FSTL4: variants seen among roughly 807,000 people sequenced by gnomAD.
FSTL4 encodes the protein follistatin-related protein 4.
A neutral mutation model predicts 78.2 loss-of-function variants in FSTL4; 28 were observed. The observed-to-expected ratio is 0.36, with a 90% CI of 0.27 to 0.49. FSTL4 has a LOEUF of 0.49. Ranked by LOEUF, FSTL4 falls within the 20% of genes least tolerant of loss-of-function variation. The pLI is 0.98. For missense variants in FSTL4, 922 were observed against 1,084.9 expected (o/e 0.85, Z 2.11); for synonymous variants, 422 against 440.5 (o/e 0.96, Z 0.53).
intron 3 of FSTL4, among the ~76,000 whole-genome samples, chr5:133,531,212 T>A (rs1341289448): frequency 6.6e-6 from 1 of 152,166 alleles, no homozygotes; most frequent in Non-Finnish European, 1.5e-5. Context: ...AACCTTCTTG[T>A]CAACATGTTC....
chr5:133,277,312 CA>C (rs11403305), intron 6 of FSTL4, among the ~76,000 whole-genome samples: 35 of 143,106 alleles, frequency 2.4e-4, no homozygotes, highest in Admixed American at 4.1e-4. Context: ...GACTCGGTCT[CA>C]AAAAAAAAAA....
chr5:133,590,938 C>A (rs1390563465), intron 2 of FSTL4, among the ~76,000 whole-genome samples: 2 of 152,166 alleles, frequency 1.3e-5, no homozygotes, highest in African/African-American at 4.8e-5. Context: ...CTTCTGTAAT[C>A]GGCATTCCTG....
intron 3 of FSTL4, among the ~76,000 whole-genome samples, chr5:133,520,036 G>A (rs1394020453): frequency 6.6e-6 from 1 of 152,180 alleles, no homozygotes; most frequent in Non-Finnish European, 1.5e-5. Context: ...ACCTGCAGGT[G>A]GCAATTGCAG....
intron 6 of FSTL4, among the ~76,000 whole-genome samples, chr5:133,303,516 G>A (rs1164943739): frequency 6.6e-6 from 1 of 152,194 alleles, no homozygotes; most frequent in Non-Finnish European, 1.5e-5. Flanking sequence ...AGGCTTCTGA[G>A]TGCCCTGGCC....
At chr5:133,525,267 T>C (rs947405991) in intron 3 of FSTL4, among the ~76,000 whole-genome samples, 2 of 152,220 alleles carry the variant, frequency 1.3e-5, no homozygotes, top group Non-Finnish European at 2.9e-5. Context: ...AGCGTGATGC[T>C]TGATGAGGGC....
intron 6 of FSTL4, among the ~76,000 whole-genome samples, chr5:133,268,963 C>A (rs1421514005): frequency 6.6e-6 from 1 of 151,980 alleles, no homozygotes; most frequent in African/African-American, 2.4e-5. Context: ...GGGTAGATCA[C>A]CAGGTCAGGA....
At chr5:133,798,193 A>G in the FSTL4 span, among the ~76,000 whole-genome samples, 1 of 152,180 alleles carries the variant, frequency 6.6e-6, no homozygotes, top group Non-Finnish European at 1.5e-5. Flanking sequence ...TCTCCTTCTG[A>G]GGTTTCTTCC....
the FSTL4 span, among the ~76,000 whole-genome samples, chr5:133,821,681 G>A: frequency 7.2e-5 from 11 of 152,106 alleles, no homozygotes; most frequent in South Asian, 4.1e-4. Context: ...TGGAGGAGGC[G>A]CAGGACTGGA....
At chr5:133,526,329 G>A (rs1224775265) in intron 3 of FSTL4, among the ~76,000 whole-genome samples, 2 of 152,100 alleles carry the variant, frequency 1.3e-5, no homozygotes, top group African/African-American at 4.8e-5. Flanking sequence ...TGAGTGTTGA[G>A]GGAAAGAAGG....
intron 3 of FSTL4, among the ~76,000 whole-genome samples, chr5:133,511,325 G>A (rs116740482): frequency 6.6e-6 from 1 of 152,170 alleles, no homozygotes; most frequent in African/African-American, 2.4e-5. Flanking sequence ...TAAGGACAAA[G>A]AACCAGGCTT....
At chr5:133,628,356 CTTTTCTTTTCT>C in the FSTL4 span, among the ~76,000 whole-genome samples, 1 of 134,694 alleles carries the variant, frequency 7.4e-6, no homozygotes, top group African/African-American at 3.5e-5. Context: ...CTTTTCTTTT[CTTTTCTTTTCT>C]TTTTTTTTTG....
chr5:133,282,629 C>T (rs541934514), intron 6 of FSTL4, among the ~76,000 whole-genome samples: 1 of 152,256 alleles, frequency 6.6e-6, no homozygotes, highest in African/African-American at 2.4e-5. Flanking sequence ...GACAGCCATC[C>T]CCTCTTCGTG....
At chr5:133,734,206 TAGCA>T in the FSTL4 span, among the ~76,000 whole-genome samples, 3 of 151,920 alleles carry the variant, frequency 2.0e-5, no homozygotes, top group Non-Finnish European at 4.4e-5. Flanking sequence ...AAAACCACCA[TAGCA>T]AGCAAATGTA....
At chr5:133,500,783 A>C (rs924039080) in intron 3 of FSTL4, among the ~76,000 whole-genome samples, 2 of 152,188 alleles carry the variant, frequency 1.3e-5, no homozygotes, top group Admixed American at 6.5e-5. Flanking sequence ...TTCTACCTCT[A>C]ACCTTTCTGG....
At chr5:133,432,745 G>A (rs1756965554) in intron 3 of FSTL4, among the ~76,000 whole-genome samples, 2 of 152,186 alleles carry the variant, frequency 1.3e-5, no homozygotes, top group African/African-American at 4.8e-5. Flanking sequence ...GATGCTGGGT[G>A]GGTGGGTGGC....
chr5:133,434,372 TAAAATTGGA>T (rs1756999829), intron 3 of FSTL4, among the ~76,000 whole-genome samples: 1 of 152,244 alleles, frequency 6.6e-6, no homozygotes, highest in East Asian at 1.9e-4. Flanking sequence ...ATGTACTTTA[TAAAATTGGA>T]ATCTGGAAGT....
intron 4 of FSTL4, among the ~76,000 whole-genome samples, chr5:133,357,036 G>A (rs1211716680): frequency 2.6e-5 from 4 of 152,224 alleles, no homozygotes; most frequent in Non-Finnish European, 5.9e-5. Flanking sequence ...AGTCTGAGAA[G>A]TCCATTGGGC....
At chr5:133,371,383 G>A (rs1015804652) in intron 4 of FSTL4, among the ~76,000 whole-genome samples, 2 of 152,156 alleles carry the variant, frequency 1.3e-5, no homozygotes, top group African/African-American at 4.8e-5. Context: ...TGTAGGTCTC[G>A]TGAAATTTAA....
chr5:133,562,345 G>A (rs1759932053), intron 3 of FSTL4, among the ~76,000 whole-genome samples: 1 of 152,166 alleles, frequency 6.6e-6, no homozygotes, highest in African/African-American at 2.4e-5. Context: ...TAAACAGAAT[G>A]CAGTTCTTGA....
Sources: gnomAD v4.1 joint callset for allele counts (sites outside exome capture counted in the v4.1 genomes callset) on GRCh38, gnomAD v4.1.1 for gene constraint, MANE v1.5 for transcripts, NCBI Gene and HGNC (gene_info 2026-07-23, HGNC 2026-07-21) for gene names.